CELF2: variants seen among roughly 807,000 people sequenced by gnomAD.
CELF2 encodes CUGBP Elav-like family member 2.
CELF2 carries 8 observed loss-of-function variants against 62.6 expected under a neutral mutation model. The observed-to-expected ratio is 0.13, with a 90% CI of 0.07 to 0.23. CELF2 has a LOEUF of 0.23. Among genes scored for constraint, CELF2 ranks in the 10% least tolerant of loss-of-function variants. CELF2 has a pLI of 1.00. For synonymous variants in CELF2, 258 were observed against 250.0 expected (o/e 1.03, Z -0.30); for missense variants, 333 against 671.0 (o/e 0.50, Z 5.56).
chr10:11,140,074 T>G (rs1297023950), intron 1 of CELF2, among the ~76,000 whole-genome samples: 6 of 152,208 alleles, frequency 3.9e-5, no homozygotes, highest in African/African-American at 7.2e-5. Flanking sequence ...GTGAGCCAAC[T>G]TTTATCTTTT....
At chr10:11,166,612 CTG>C (rs1391293340) in intron 2 of CELF2, among the ~76,000 whole-genome samples, 2 of 152,204 alleles carry the variant, frequency 1.3e-5, no homozygotes, top group African/African-American at 4.8e-5. Context: ...GGAGTCCTCT[CTG>C]TTGTTCTGCG....
chr10:10,752,660 A>G, the CELF2 span, among the ~76,000 whole-genome samples: 2 of 130,124 alleles, frequency 1.5e-5, no homozygotes, highest in Admixed American at 1.9e-4. Context: ...ACTGCACTCC[A>G]GCCTGATGAC....
chr10:10,739,201 T>C, the CELF2 span, among the ~76,000 whole-genome samples: 1 of 152,206 alleles, frequency 6.6e-6, no homozygotes, highest in Non-Finnish European at 1.5e-5. Flanking sequence ...GATGCATATA[T>C]ATGTCTATAG....
the CELF2 span, among the ~76,000 whole-genome samples, chr10:10,510,032 T>C: frequency 6.6e-6 from 1 of 152,252 alleles, no homozygotes; most frequent in East Asian, 1.9e-4. Context: ...TTCTGGCTTC[T>C]GAACCTATCT....
rs1300754930 is a variant in CELF2, at chr10:11,165,852, C to A, written c.271+170C>A. 6.6e-6 allele frequency among the ~76,000 whole-genome samples: 1 copy of A among 152,182 alleles called. No homozygotes were observed. Among genetic ancestry groups the A allele is most frequent in the South Asian group, 2.1e-4 (1 of 4,836 alleles). On this transcript the variant is annotated intron_variant, in intron 2 of 12. Coordinates refer to ENST00000633077, the MANE Select transcript of CELF2 (RefSeq NM_001326342.2). The surrounding 1 kb of genome is among the most constrained non-coding windows in gnomAD (Gnocchi z 7.4). ...GGGCTGCTCCCGACTCCTCCCCGCA[C>A]CCCCGCCCGCCTGCCCGCCGGGACA... is the stretch of plus-strand genomic sequence containing the variant.
rs977575517 is a variant in CELF2 at position 11,331,804 on chromosome 10, ATCTATGGAAACCTCT to A, written c.*2752_*2766del. 1 of 152,590 alleles carries A rather than the reference ATCTATGGAAACCTCT, an allele frequency of 6.6e-6. No homozygotes were observed. Among genetic ancestry groups the A allele is most frequent in the Non-Finnish European group, 1.5e-5 (1 of 68,040 alleles). 9.5% of individuals were successfully genotyped at this position (152,590 alleles called of 1,614,324 possible). On this transcript the variant is annotated 3_prime_UTR_variant, in exon 13 of 13. Coordinates refer to ENST00000633077, the MANE Select transcript of CELF2 (RefSeq NM_001326342.2). Reference sequence around the variant, plus strand: ...AACCTCACCATGTATTTTCTTCATAATCTATGGAAACCTCTAAGGTGAGAAAGTTTTGAACTTTTA... The same window carrying A: ...AACCTCACCATGTATTTTCTTCATAAAAGGTGAGAAAGTTTTGAACTTTTA...
At chr10:10,829,442 T>G (rs2057670799) in intron 1 of CELF2, among the ~76,000 whole-genome samples, 1 of 152,194 alleles carries the variant, frequency 6.6e-6, no homozygotes, top group South Asian at 2.1e-4. Context: ...CTGAGACTCA[T>G]GATCTATTAT....
chr10:10,910,699 CAAAAAA>C (rs55954207), intron 1 of CELF2, among the ~76,000 whole-genome samples: 10 of 92,246 alleles, frequency 1.1e-4, no homozygotes, highest in African/African-American at 2.7e-4. Context: ...GACTCTGCCT[CAAAAAA>C]AAAAAAAAAA....
At chr10:10,883,329 G>A (rs1019821081) in intron 1 of CELF2, among the ~76,000 whole-genome samples, 4 of 152,278 alleles carry the variant, frequency 2.6e-5, no homozygotes, top group Admixed American at 2.6e-4. Context: ...CATAAATTGA[G>A]CGTTTAAGCA....
the CELF2 span, among the ~76,000 whole-genome samples, chr10:10,462,694 G>A: frequency 7.2e-6 from 1 of 139,278 alleles, no homozygotes; most frequent in Non-Finnish European, 1.5e-5. Context: ...AGTCATAAGC[G>A]TGGCTTCCCT....
chr10:11,045,189 C>T (rs2062594739), intron 1 of CELF2, among the ~76,000 whole-genome samples: 1 of 152,140 alleles, frequency 6.6e-6, no homozygotes, highest in Non-Finnish European at 1.5e-5. Context: ...CACTCTGTTG[C>T]CCAGGCTGGA....
intron 2 of CELF2, among the ~76,000 whole-genome samples, chr10:11,187,050 G>A (rs1434373360): frequency 6.6e-6 from 1 of 152,160 alleles, no homozygotes; most frequent in Non-Finnish European, 1.5e-5. Context: ...TTCTACAAAA[G>A]TGAGTTTGAT....
At chr10:10,780,298 G>A in the CELF2 span, among the ~76,000 whole-genome samples, 1 of 152,052 alleles carries the variant, frequency 6.6e-6, no homozygotes, top group Admixed American at 6.6e-5. Context: ...TATCTGGCAA[G>A]AATAAGAATT....
chr10:10,579,064 C>A, the CELF2 span, among the ~76,000 whole-genome samples: 1 of 151,678 alleles, frequency 6.6e-6, no homozygotes, highest in Non-Finnish European at 1.5e-5. Context: ...AGTAACAAAA[C>A]ATGTTTTTGT....
At chr10:10,899,681 T>C (rs2062800876) in intron 1 of CELF2, among the ~76,000 whole-genome samples, 1 of 152,340 alleles carries the variant, frequency 6.6e-6, no homozygotes, top group South Asian at 2.1e-4. Flanking sequence ...TGGCTCATGG[T>C]TCTGCAGGCT....
chr10:11,201,213 A>G (rs927252056), intron 2 of CELF2, among the ~76,000 whole-genome samples: 2 of 152,170 alleles, frequency 1.3e-5, no homozygotes, highest in Non-Finnish European at 1.5e-5. Context: ...TTACTGTTTC[A>G]CCTGTATTTT....
rs949996172 is a variant in CELF2 at position 11,329,106 on chromosome 10, C to G, written c.*53C>G. 1.4e-5 allele frequency: 21 copies of G among 1,543,906 alleles called. No individual in the cohort carries two copies. The highest frequency in any genetic ancestry group is 8.8e-7 in the Non-Finnish European group (1 of 1,134,712). On this transcript the variant is annotated 3_prime_UTR_variant, in exon 13 of 13. Coordinates refer to ENST00000633077, the MANE Select transcript of CELF2 (RefSeq NM_001326342.2). This position sits in a 1 kb window ranked among gnomAD's most constrained non-coding sequence, Gnocchi z 5.5. ...ATTTTAGCTTTCTTAGGGTAAGTCC[C>G]ACGAGCCAGCCTGTCTCAACAGGGA...
At chr10:11,127,734 T>G (rs2058964435) in intron 1 of CELF2, among the ~76,000 whole-genome samples, 1 of 152,176 alleles carries the variant, frequency 6.6e-6, no homozygotes, top group African/African-American at 2.4e-5. Flanking sequence ...CACTTTTTGG[T>G]GGGGTTTTTT....
the CELF2 span, chr10:10,776,243 G>A: frequency 0.087 from 13,355 of 153,270 alleles, 699 homozygotes; most frequent in African/African-American, 0.14. Flanking sequence ...AGATCGGAAC[G>A]CTGTGTTGTT....
Sources: allele counts gnomAD v4.1 joint callset (sites outside exome capture counted in the v4.1 genomes callset), GRCh38; gene constraint gnomAD v4.1.1; non-coding constraint Gnocchi (gnomAD v3.1); transcripts MANE v1.5; gene names NCBI Gene and HGNC (gene_info 2026-07-23, HGNC 2026-07-21).